Variants in XK observed in about 807,000 individuals in gnomAD.
The protein encoded by XK is X-linked Kx blood group antigen, Kell and VPS13A binding protein.
Under a neutral mutation model 14.0 loss-of-function variants are expected in XK, and 2 were observed. The observed-to-expected ratio is 0.14, with a 90% confidence interval of 0.06 to 0.45. The LOEUF is 0.45. Among genes scored for constraint, XK ranks in the 20% least tolerant of loss-of-function variants. The probability of loss-of-function intolerance (pLI) is 0.98; values close to 1 mark genes in which losing one functional copy is unlikely to be tolerated. For synonymous variants in XK, 149 were observed against 147.5 expected, an observed-to-expected ratio of 1.01 and a Z score of -0.08; for missense variants, 235 against 341.5, an observed-to-expected ratio of 0.69 and a Z score of 2.46.
intron 2 of XK, among the ~76,000 whole-genome samples, chrX:37,706,823 G>T (rs1387918328): frequency 2.8e-5 from 3 of 108,726 alleles, no homozygotes; most frequent in Admixed American, 9.8e-5. Flanking sequence ...AGATTAGGGA[G>T]TGGTGATGAC....
At chrX:37,705,280 C>A (rs782115842) in intron 2 of XK, among the ~76,000 whole-genome samples, 2 of 100,840 alleles carry the variant, frequency 2.0e-5, no homozygotes, top group South Asian at 4.6e-4. Flanking sequence ...CCCGTCTCTA[C>A]TAAAAATACA....
intron 1 of XK, among the ~76,000 whole-genome samples, 200 bp downstream of exon 1, chrX:37,686,406 C>T (rs1173863881): frequency 8.9e-6 from 1 of 112,370 alleles, no homozygotes; most frequent in Non-Finnish European, 1.9e-5. Flanking sequence ...AAAGTTGGGG[C>T]ACACTGAATT....
intron 1 of XK, among the ~76,000 whole-genome samples, chrX:37,690,673 T>C (rs1908218461): frequency 8.9e-6 from 1 of 112,298 alleles, no homozygotes; most frequent in African/African-American, 3.2e-5. Context: ...CACTGGTTTA[T>C]GTACTGGCTA....
At chrX:37,696,676 G>A (rs1486502129) in intron 2 of XK, among the ~76,000 whole-genome samples, 1 of 112,335 alleles carries the variant, frequency 8.9e-6, no homozygotes, top group Non-Finnish European at 1.9e-5. Flanking sequence ...TTGGTGCAAG[G>A]AAGAAACACC....
intron 2 of XK, among the ~76,000 whole-genome samples, chrX:37,715,015 A>G (rs781862934): frequency 9.1e-6 from 1 of 109,448 alleles, no homozygotes; most frequent in East Asian, 2.8e-4. Context: ...ATATAGGTGT[A>G]TAGTGTGTGT....
intron 2 of XK, among the ~76,000 whole-genome samples, chrX:37,726,094 T>C (rs1927967187): frequency 9.1e-6 from 1 of 110,494 alleles, no homozygotes; most frequent in African/African-American, 3.3e-5. Flanking sequence ...ATGCCAAGAG[T>C]GAGCCCTAAT....
Position 37,728,862 on chromosome X carries a change from G to C in XK, c.*400G>C. 1 of 155,674 alleles carries C rather than the reference G, an allele frequency of 6.4e-6. No individual in the cohort carries two copies. The highest frequency in any genetic ancestry group is 1.3e-5 in the Non-Finnish European group (1 of 79,979). The allele number at this position is 155,674 out of a possible 1,213,427, so 12.8% of individuals were successfully genotyped here. On this transcript the variant is annotated 3_prime_UTR_variant, in exon 3 of 3. Coordinates refer to ENST00000378616, the MANE Select transcript of XK (RefSeq NM_021083.4). ...TGAAGTTTTATGATCCCTGAACATA[G>C]TTTTCACCCAAGAGCTGTCCTGGTG...
intron 2 of XK, among the ~76,000 whole-genome samples, chrX:37,695,832 A>G (rs1556442384): frequency 8.9e-6 from 1 of 112,050 alleles, no homozygotes; most frequent in African/African-American, 3.2e-5. Flanking sequence ...TTAATGGATC[A>G]ACATTTATAT....
intron 2 of XK, among the ~76,000 whole-genome samples, chrX:37,704,066 T>G (rs1602149408): frequency 1.8e-5 from 2 of 111,820 alleles, no homozygotes; most frequent in East Asian, 5.6e-4. Flanking sequence ...ACCATTATCT[T>G]AAATGTGGTG....
In XK at chrX:37,728,212, C is replaced by G. The variant is rs1366570566; in HGVS notation, c.1085C>G (p.Ala362Gly). ...CAGCTGCTCATTGGGTACTGCACAGCCATTCTCTTCATGCTTGTATTCTAT... is the reference window on the plus strand; with the variant it reads ...CAGCTGCTCATTGGGTACTGCACAGGCATTCTCTTCATGCTTGTATTCTAT... ...VLQLLIGYCT[A>G]ILFMLVFYQF... Residue 362 changes from alanine to glycine, a missense_variant, in exon 3 of 3, where the codon GCC becomes GGC. Ala to Gly is a moderately conservative substitution (Grantham distance 60, BLOSUM62 0). Coordinates refer to ENST00000378616, the MANE Select transcript of XK (RefSeq NM_021083.4). 8.3e-7 allele frequency: 1 copy of G among 1,209,429 alleles called. No individual in the cohort carries two copies. Among genetic ancestry groups the G allele is most frequent in the Non-Finnish European group, 1.1e-6 (1 of 895,020 alleles).
In XK at chrX:37,694,322, C is replaced by T. The variant is rs1200949863; in HGVS notation, c.282C>T (p.Gly94=). 3 of 1,210,464 alleles carry T rather than the reference C, an allele frequency of 2.5e-6. No individual in the cohort carries two copies. Among genetic ancestry groups the T allele is most frequent in the Non-Finnish European group, 3.4e-6 (3 of 895,244 alleles). Residue 94 remains glycine (G), a synonymous_variant, in exon 2 of 3, where the codon GGC becomes GGT. Transcript: ENST00000378616. ...TCTTCTGCATCTACTTTCAGTCAGG[C>T]AACAATGAAGAGCCTTATGTCAGTA... ...FEVFCIYFQS[G]NNEEPYVSIT...
At chrX:37,692,240 G>A (rs988674504) in intron 1 of XK, among the ~76,000 whole-genome samples, 5 of 110,281 alleles carry the variant, frequency 4.5e-5, no homozygotes, top group East Asian at 2.8e-4. Flanking sequence ...ATTAATTTTC[G>A]TTTATTATTA....
At chrX:37,710,421 G>T (rs2146824687) in intron 2 of XK, among the ~76,000 whole-genome samples, 1 of 112,113 alleles carries the variant, frequency 8.9e-6, no homozygotes, top group Admixed American at 9.4e-5. Context: ...TTCCAAAGTT[G>T]TTAAAATATA....
chrX:37,715,355 T>C (rs782459789), intron 2 of XK, among the ~76,000 whole-genome samples: 1 of 111,898 alleles, frequency 8.9e-6, no homozygotes, highest in African/African-American at 3.2e-5. Flanking sequence ...ATAGGATATA[T>C]TGATTTTGTA....
At chrX:37,688,795 A>T (rs1927147105) in intron 1 of XK, among the ~76,000 whole-genome samples, 1 of 112,004 alleles carries the variant, frequency 8.9e-6, no homozygotes, top group Non-Finnish European at 1.9e-5. Context: ...AATATATATA[A>T]AAACAGGATG....
chrX:37,705,246 C>G (rs1359692960), intron 2 of XK, among the ~76,000 whole-genome samples: 2 of 109,330 alleles, frequency 1.8e-5, no homozygotes, highest in Non-Finnish European at 3.8e-5. Flanking sequence ...GAGATCAAGA[C>G]CATCCTGGCT....
intron 2 of XK, among the ~76,000 whole-genome samples, chrX:37,709,748 G>A (rs782551306): frequency 8.9e-6 from 1 of 112,135 alleles, no homozygotes; most frequent in South Asian, 3.7e-4. Context: ...TTCTGGATAT[G>A]CCAATCAGAA....
chrX:37,726,939 A>G (rs1927986131), intron 2 of XK, among the ~76,000 whole-genome samples: 2 of 112,076 alleles, frequency 1.8e-5, no homozygotes, highest in Non-Finnish European at 3.8e-5. Flanking sequence ...TACTGTTTGT[A>G]TATCTACTGC....
chrX:37,689,494 G>A (rs944796859), intron 1 of XK, among the ~76,000 whole-genome samples: 53 of 112,150 alleles, frequency 4.7e-4, no homozygotes, highest in African/African-American at 1.6e-3. Flanking sequence ...GCCTTTGGAT[G>A]AGTACTAGCC....
Sources: gnomAD v4.1 joint callset for allele counts (sites outside exome capture counted in the v4.1 genomes callset) on GRCh38, gnomAD v4.1.1 for gene constraint, MANE v1.5 for transcripts, NCBI Gene and HGNC (gene_info 2026-07-23, HGNC 2026-07-21) for gene names.